PSME4: variants seen among roughly 807,000 people sequenced by gnomAD.
PSME4 encodes the protein proteasome activator complex subunit 4.
A neutral mutation model predicts 253.9 loss-of-function variants in PSME4; 89 were observed. The observed-to-expected ratio is 0.35, with a 90% CI of 0.30 to 0.42. PSME4 has a LOEUF of 0.42. Ranked by LOEUF, PSME4 falls within the 10% of genes least tolerant of loss-of-function variation. The pLI is 1.00. For missense variants in PSME4, 2,014 were observed against 2,195.2 expected (o/e 0.92, Z 1.65); for synonymous variants, 851 against 759.2 (o/e 1.12, Z -1.99).
At position 53,887,306 on chromosome 2, in the gene PSME4, A is replaced by G. The variant is rs774253401; in HGVS notation, c.4682T>C (p.Ile1561Thr). Residue 1561 changes from isoleucine (I) to threonine (T), a missense_variant, in exon 40 of 47, where the codon ATT becomes ACT. Physicochemically the swap from Ile to Thr is moderately conservative, Grantham distance 89. Coordinates refer to ENST00000404125, the MANE Select transcript of PSME4 (RefSeq NM_014614.3). The part of the protein sequence containing the change: ...IQNHVMEENG[I>T]GEEDERTQGI... ...CTGAGTTCGCTCATCTTCTTCACCA[A>G]TTCCATTTTCTTCCATAACATGGTT... is the stretch of plus-strand genomic sequence containing the variant. The G allele has an allele frequency of 5.0e-6, 8 of 1,614,042 alleles. No homozygotes were observed. Among genetic ancestry groups the G allele is most frequent in the Admixed American group, 1.7e-5 (1 of 60,002 alleles).
chr2:53,886,635 G>A (rs772908406), intron 40 of PSME4, among the ~76,000 whole-genome samples: 1 of 152,204 alleles, frequency 6.6e-6, no homozygotes, highest in African/African-American at 2.4e-5. Flanking sequence ...GCAGAGAAGA[G>A]TCTGGCAGCT....
intron 1 of PSME4, among the ~76,000 whole-genome samples, chr2:53,970,103 T>C (rs1670980190): frequency 6.6e-6 from 1 of 151,900 alleles, no homozygotes; most frequent in Admixed American, 6.6e-5. Flanking sequence ...GCGGGGATCG[T>C]AGGGGAAGGA....
At position 53,901,508 on chromosome 2, in the gene PSME4, G is replaced by A; in HGVS notation, c.3127C>T (p.Leu1043Phe). The change falls in exon 28 of 47, where the codon CTT becomes TTT. Residue 1043 changes from leucine (L) to phenylalanine (F), a missense_variant. By Grantham distance (22) the Leu-to-Phe change is conservative (BLOSUM62 0). This residue lies in a region of PSME4 where 989 missense variants were observed against 1,021.1 expected (regional missense o/e 0.97). Coordinates refer to ENST00000404125, the MANE Select transcript of PSME4 (RefSeq NM_014614.3). The stretch of plus-strand genomic sequence containing the variant: ...TGTACAATACAGTCCCAATCATGAA[G>A]GTTTGCCAAGCACACACCACTGTGA... ...GNHSGVCLAN[L>F]HDWDCIVQTW... 6.2e-7 allele frequency: 1 copy of A among 1,613,854 alleles called. No individual in the cohort carries two copies. Among genetic ancestry groups the A allele is most frequent in the Non-Finnish European group, 8.5e-7 (1 of 1,179,892 alleles).
intron 43 of PSME4, among the ~76,000 whole-genome samples, chr2:53,873,076 TA>T (rs1255264393): frequency 6.6e-6 from 1 of 151,386 alleles, no homozygotes; most frequent in Non-Finnish European, 1.5e-5. Flanking sequence ...CCGTCTCTAC[TA>T]AAAATACAAA....
chr2:53,905,745 A>T (rs113916603), intron 26 of PSME4, among the ~76,000 whole-genome samples: 1 of 152,170 alleles, frequency 6.6e-6, no homozygotes, highest in African/African-American at 2.4e-5. Flanking sequence ...TCAAGGCTTG[A>T]GTTCAAGGCT....
At chr2:53,869,656 G>C (rs748958683) in intron 43 of PSME4, 118 bp from the exon 44 acceptor site, 2 of 752,298 alleles carry the variant, frequency 2.7e-6, no homozygotes, top group Non-Finnish European at 3.9e-6. Flanking sequence ...TGCAAATTTT[G>C]TGTATGCTCT....
intron 17 of PSME4, among the ~76,000 whole-genome samples, chr2:53,922,172 A>AAAAAG (rs370610943): frequency 0.016 from 2,468 of 152,024 alleles, 71 homozygotes; most frequent in African/African-American, 0.055. Context: ...AAAAAGAAGA[A>AAAAAG]AAAAGAAAAG....
intron 19 of PSME4, 146 bp from the exon 20 acceptor site, chr2:53,919,392 T>C: frequency 9.0e-7 from 1 of 1,105,140 alleles, no homozygotes; most frequent in South Asian, 2.1e-5. Context: ...AACTTAACAG[T>C]GAAGAACAAT....
At chr2:53,882,907 A>T (rs1159155593) in intron 41 of PSME4, among the ~76,000 whole-genome samples, 1 of 145,370 alleles carries the variant, frequency 6.9e-6, no homozygotes, top group African/African-American at 2.5e-5. Context: ...ATACAAAAAA[A>T]AATAAATAAA....
intron 44 of PSME4, among the ~76,000 whole-genome samples, chr2:53,867,338 C>G (rs991836450): frequency 1.3e-5 from 2 of 151,936 alleles, no homozygotes; most frequent in African/African-American, 4.8e-5. Flanking sequence ...AACCCTGTCT[C>G]TGCTAAAAAT....
chr2:53,869,391 T>G lies in PSME4; in HGVS notation c.5248A>C (p.Thr1750Pro). 6.2e-7 allele frequency: 1 copy of G among 1,607,870 alleles called. No homozygotes were observed. Among genetic ancestry groups the G allele is most frequent in the Non-Finnish European group, 8.5e-7 (1 of 1,175,592 alleles). Residue 1750 changes from threonine (T) to proline (P), a missense_variant, in exon 44 of 47, where the codon ACC (threonine) becomes CCC (proline). Thr to Pro is a conservative substitution (Grantham distance 38). Coordinates refer to ENST00000404125, the MANE Select transcript of PSME4 (RefSeq NM_014614.3). Reference sequence around the variant, plus strand: ...GCAATGTTACCTGCAGAAGGAATGGTATCTCCTACAGAACCAGGGTCTCGC... The same window carrying G: ...GCAATGTTACCTGCAGAAGGAATGGGATCTCCTACAGAACCAGGGTCTCGC... ...RKRDPGSVGD[T>P]IPSAELVKRH...
intron 14 of PSME4, among the ~76,000 whole-genome samples, chr2:53,925,000 G>C (rs1434926234): frequency 2.0e-5 from 3 of 152,126 alleles, no homozygotes; most frequent in African/African-American, 7.2e-5. Flanking sequence ...TTAATCCGCA[G>C]TCAACAGCAA....
At chr2:53,956,609 G>A (rs1348675116) in intron 1 of PSME4, among the ~76,000 whole-genome samples, 1 of 151,812 alleles carries the variant, frequency 6.6e-6, no homozygotes, top group African/African-American at 2.4e-5. Flanking sequence ...GTCTCTCTCT[G>A]TTGCCCAAGC....
chr2:53,936,843 G>C lies in PSME4; in HGVS notation c.696-16C>G. On this transcript the variant is annotated splice_polypyrimidine_tract_variant and intron_variant, in intron 5 of 46. Coordinates refer to ENST00000404125, the MANE Select transcript of PSME4 (RefSeq NM_014614.3). ...AAACCAAAGTCTAAAGAAGAAAAAT[G>C]TTGTTATGAATAGCAAGTGATTTTA... is the stretch of plus-strand genomic sequence containing the variant. 1 of 1,564,738 alleles carries C rather than the reference G, an allele frequency of 6.4e-7. No individual in the cohort carries two copies. The highest frequency in any genetic ancestry group is 8.7e-7 in the Non-Finnish European group (1 of 1,150,918).
chr2:53,942,043 T>C (rs551768912), intron 3 of PSME4: 8 of 152,678 alleles, frequency 5.2e-5, no homozygotes, highest in Admixed American at 2.0e-4. Flanking sequence ...GATTAGGGTA[T>C]GTGGGAATGC....
rs754821630 is a variant in PSME4, at chr2:53,866,867, G to A, written c.5277C>T (p.Arg1759=). Residue 1759 remains arginine (R), a synonymous_variant, in exon 45 of 47, where the codon CGC becomes CGT. Transcript: ENST00000404125. ...DTIPSAELVK[R]HAGVLGLGAC... is the part of the protein sequence containing the mutation. Reference sequence around the variant, plus strand: ...CACCAAGTCCTAGCACCCCAGCATGGCGTTTGACCAACTCTGCAAAGAGAA... The same window carrying A: ...CACCAAGTCCTAGCACCCCAGCATGACGTTTGACCAACTCTGCAAAGAGAA... 1.2e-6 allele frequency: 2 copies of A among 1,613,764 alleles called. No individual in the cohort carries two copies. The highest frequency in any genetic ancestry group is 2.2e-5 in the East Asian group (1 of 44,876).
intron 26 of PSME4, among the ~76,000 whole-genome samples, chr2:53,904,493 T>C (rs1359180794): frequency 1.3e-5 from 2 of 152,156 alleles, no homozygotes; most frequent in Non-Finnish European, 2.9e-5. Flanking sequence ...ATTCTAGATA[T>C]AAAGAGCCAG....
At chr2:53,894,487 G>A (rs1341294819) in intron 34 of PSME4, among the ~76,000 whole-genome samples, 1 of 152,124 alleles carries the variant, frequency 6.6e-6, no homozygotes, top group Non-Finnish European at 1.5e-5. Flanking sequence ...GCTCAGGATG[G>A]TCTCAAACTC....
chr2:53,934,518 A>G (rs966945513), intron 8 of PSME4, 87 bp downstream of exon 8: 3 of 1,366,440 alleles, frequency 2.2e-6, no homozygotes, highest in Non-Finnish European at 3.0e-6. Flanking sequence ...AGCCACTATT[A>G]TCAACTTCTG....
Sources: allele counts gnomAD v4.1 joint callset (sites outside exome capture counted in the v4.1 genomes callset), GRCh38; gene constraint gnomAD v4.1.1; regional missense constraint gnomAD v4.1.1; transcripts MANE v1.5; gene names NCBI Gene and HGNC (gene_info 2026-07-23, HGNC 2026-07-21).